Variants in USP44 observed in about 807,000 individuals in gnomAD.
The protein encoded by USP44 is ubiquitin specific peptidase 44, also known as ubiquitin carboxyl-terminal hydrolase 44.
In USP44, 61 loss-of-function variants were observed where a neutral mutation model predicts 69.0. The ratio of observed to expected loss-of-function variants is 0.88; its 90% CI spans 0.72 to 1.09. The LOEUF (loss-of-function observed/expected upper bound fraction) is 1.09. Ranked by LOEUF, USP44 falls within the 50% of genes least tolerant of loss-of-function variation. The pLI, the probability that USP44 is intolerant of heterozygous loss-of-function variation, is 0.00. For synonymous variants in USP44, 297 were observed against 295.4 expected, an observed-to-expected ratio of 1.01 and a Z score of -0.06; for missense variants, 753 against 849.9, an observed-to-expected ratio of 0.89 and a Z score of 1.42.
At chr12:95,525,455 A>G (rs951261512) in intron 3 of USP44, among the ~76,000 whole-genome samples, 2 of 152,254 alleles carry the variant, frequency 1.3e-5, no homozygotes, top group Admixed American at 1.3e-4. Flanking sequence ...TACATTTCCC[A>G]AACTCTTAAT....
At position 95,533,290 on chromosome 12, in the gene USP44, G is replaced by A. The variant is rs759756930; in HGVS notation, c.967C>T (p.His323Tyr). Residue 323 changes from histidine (H) to tyrosine (Y), a missense_variant, in exon 2 of 6, where the codon CAT (histidine) becomes TAT (tyrosine). Physicochemically the swap from His to Tyr is moderately conservative, Grantham distance 83 (BLOSUM62 2). Coordinates refer to ENST00000258499, the MANE Select transcript of USP44 (RefSeq NM_032147.5). ...ACTACTGTATCTGTGACTGGTGGAT[G>A]CTTACAAGATCTTGTCTTCTCGCTA... ...TASEKTRSCK[H>Y]PPVTDTVVYQ... 2.5e-6 allele frequency: 4 copies of A among 1,613,982 alleles called. No homozygotes were observed. Among genetic ancestry groups the A allele is most frequent in the Non-Finnish European group, 1.7e-6 (2 of 1,180,050 alleles).
At chr12:95,543,705 G>A (rs2077470205) in intron 1 of USP44, among the ~76,000 whole-genome samples, 1 of 151,572 alleles carries the variant, frequency 6.6e-6, no homozygotes, top group Admixed American at 6.6e-5. Context: ...GGTGGCTCAC[G>A]CCTGTAATCC....
rs1565794980 is a variant in USP44, at chr12:95,517,663, C to T, written c.*491G>A. The T allele has an allele frequency of 6.5e-6, 1 of 152,990 alleles. No individual in the cohort carries two copies. The highest frequency in any genetic ancestry group is 1.9e-4 in the East Asian group (1 of 5,202). The allele number at this position is 152,990 out of a possible 1,614,324, so 9.5% of individuals were successfully genotyped here. ...TTAACACACAAAGCCTCAGAAATAC[C>T]AGTGAGTGTGACTGAAGAATATTTA... On this transcript the variant is annotated 3_prime_UTR_variant, in exon 6 of 6. Coordinates refer to ENST00000258499, the MANE Select transcript of USP44 (RefSeq NM_032147.5).
At chr12:95,541,002 A>G (rs1415242145) in intron 1 of USP44, among the ~76,000 whole-genome samples, 5 of 152,206 alleles carry the variant, frequency 3.3e-5, no homozygotes, top group South Asian at 2.1e-4. Context: ...TGTTTTGGCC[A>G]GGCGCAGTGG....
chr12:95,529,217 A>C (rs2076944908), intron 2 of USP44, among the ~76,000 whole-genome samples: 1 of 152,156 alleles, frequency 6.6e-6, no homozygotes, highest in African/African-American at 2.4e-5. Context: ...TGGTTGCTTT[A>C]ACTACTGGGC....
At chr12:95,549,362 A>G (rs1206190878) in intron 1 of USP44, among the ~76,000 whole-genome samples, 1 of 152,216 alleles carries the variant, frequency 6.6e-6, no homozygotes, top group Non-Finnish European at 1.5e-5. Flanking sequence ...GAACGGGCAC[A>G]GGAAGGGAAC....
intron 4 of USP44, among the ~76,000 whole-genome samples, chr12:95,522,607 G>A (rs988107169): frequency 1.3e-5 from 2 of 151,746 alleles, no homozygotes; most frequent in Non-Finnish European, 2.9e-5. Context: ...GTGAAACCCC[G>A]TCTCTACTAA....
chr12:95,538,724 G>C (rs1030774665), intron 1 of USP44, among the ~76,000 whole-genome samples: 3 of 152,224 alleles, frequency 2.0e-5, no homozygotes, highest in Admixed American at 6.5e-5. Flanking sequence ...AGGAGCTGCA[G>C]AGCCAGGCTG....
chr12:95,537,952 C>T (rs2077260855), intron 1 of USP44, among the ~76,000 whole-genome samples: 1 of 151,980 alleles, frequency 6.6e-6, no homozygotes, highest in African/African-American at 2.4e-5. Context: ...CCCTTGAATA[C>T]AAAAAAAGTA....
chr12:95,524,686 C>A lies in USP44; in HGVS notation c.1727G>T (p.Arg576Leu), dbSNP rs756915848. ...LPQVLRLHLK[R>L]FRWSGRNNRE... ...AACTGGTCCTACTACAGACCTGAAT[C>A]GTTTGAGGTGCAGTCTGAGAACCTG... Residue 576 changes from arginine to leucine, a missense_variant, in exon 4 of 6, where the codon CGA becomes CTA. Physicochemically the swap from Arg to Leu is moderately radical, Grantham distance 102. Transcript: ENST00000258499. The A allele has an allele frequency of 6.2e-7, 1 of 1,607,522 alleles. No individual in the cohort carries two copies. The highest frequency in any genetic ancestry group is 1.3e-5 in the African/African-American group (1 of 74,590).
chr12:95,519,812 G>C (rs944009318), intron 5 of USP44, among the ~76,000 whole-genome samples: 2 of 150,854 alleles, frequency 1.3e-5, no homozygotes, highest in African/African-American at 2.4e-5. Context: ...GACCAAGGCT[G>C]ACAGATCACT....
chr12:95,521,791 C>T (rs566246022), intron 4 of USP44, among the ~76,000 whole-genome samples: 4 of 152,170 alleles, frequency 2.6e-5, no homozygotes, highest in South Asian at 4.1e-4. Context: ...CCAGCCCCAC[C>T]GAAGGGTTTT....
chr12:95,533,267 T>C lies in USP44; in HGVS notation c.990A>G (p.Val330=), dbSNP rs1019795775. ...CCTGACATTCATTCATTTGATATAC[T>C]ACTGTATCTGTGACTGGTGGATGCT... ...SCKHPPVTDT[V]VYQMNECQEK... The change falls in exon 2 of 6, where the codon GTA becomes GTG. Residue 330 remains valine, a synonymous_variant. Coordinates refer to ENST00000258499, the MANE Select transcript of USP44 (RefSeq NM_032147.5). The C allele has an allele frequency of 2.5e-6, 4 of 1,614,080 alleles. No individual in the cohort carries two copies. The highest frequency in any genetic ancestry group is 3.3e-5 in the Admixed American group (2 of 60,006).
Position 95,522,201 on chromosome 12 carries a change from A to G in USP44, c.1734-999T>C, listed in dbSNP as rs374034104. 10 of 671,034 alleles carry G rather than the reference A, an allele frequency of 1.5e-5. No individual in the cohort carries two copies. The East Asian group carries it at 4.0e-4, about 27-fold the overall frequency. 41.6% of individuals were successfully genotyped at this position (671,034 alleles called of 1,614,324 possible). On this transcript the variant is annotated intron_variant, in intron 4 of 5. Coordinates refer to ENST00000258499, the MANE Select transcript of USP44 (RefSeq NM_032147.5). ...AGTATGGTAGAGAGACAAGGCAGACATAGATAAAAATATAGTAGTAAAGTA... is the reference window on the plus strand; with the variant it reads ...AGTATGGTAGAGAGACAAGGCAGACGTAGATAAAAATATAGTAGTAAAGTA...
chr12:95,518,475 A>G (rs2076547353), intron 5 of USP44, 122 bp from the exon 6 acceptor site: 3 of 981,890 alleles, frequency 3.1e-6, no homozygotes, highest in African/African-American at 3.3e-5. Flanking sequence ...TTTTTCTTTA[A>G]TGAGAAATAT....
chr12:95,520,912 T>G, intron 5 of USP44, 85 bp downstream of exon 5: 1 of 1,264,882 alleles, frequency 7.9e-7, no homozygotes, highest in Admixed American at 1.8e-5. Context: ...TGTTTATGAT[T>G]TAGTAGTCAA....
Position 95,533,450 on chromosome 12 carries a change from A to G in USP44, c.807T>C (p.Thr269=). 6.2e-7 allele frequency: 1 copy of G among 1,614,190 alleles called. No individual in the cohort carries two copies. The part of the protein sequence containing the change: ...DSSVKRRPIV[T]PGVTGLRNLG... ...AATTTCTCAATCCTGTTACACCAGG[A>G]GTTACTATTGGCCTTCGTTTAACTG... Residue 269 remains threonine (T), a synonymous_variant, in exon 2 of 6, where the codon ACT becomes ACC. Transcript: ENST00000258499.
At chr12:95,549,476 A>G (rs983077020) in intron 1 of USP44, among the ~76,000 whole-genome samples, 1 of 152,190 alleles carries the variant, frequency 6.6e-6, no homozygotes, top group African/African-American at 2.4e-5. Flanking sequence ...GTCAAGGCTA[A>G]GGTACCTGAA....
intron 5 of USP44, 69 bp from the exon 6 acceptor site, chr12:95,518,422 G>T: frequency 6.8e-7 from 1 of 1,479,802 alleles, no homozygotes; most frequent in South Asian, 1.2e-5. Flanking sequence ...GGCATTGAGT[G>T]AGAAGCTTTT....
Sources: allele counts gnomAD v4.1 joint callset (sites outside exome capture counted in the v4.1 genomes callset), GRCh38; gene constraint gnomAD v4.1.1; transcripts MANE v1.5; gene names NCBI Gene and HGNC (gene_info 2026-07-23, HGNC 2026-07-21).